OSBPL10: variants seen among roughly 807,000 people sequenced by gnomAD.
The protein encoded by OSBPL10 is oxysterol binding protein like 10, also known as oxysterol-binding protein-related protein 10.
In OSBPL10, 49 loss-of-function variants were observed where a neutral mutation model predicts 81.7. The observed-to-expected ratio is 0.60, with a 90% CI of 0.48 to 0.76. The LOEUF (loss-of-function observed/expected upper bound fraction) is 0.76, where lower values mean the gene tolerates loss of function less well. Ranked by LOEUF, OSBPL10 falls within the 30% of genes least tolerant of loss-of-function variation. The probability of loss-of-function intolerance (pLI) is 0.00; values close to 1 mark genes in which losing one functional copy is unlikely to be tolerated. For missense variants in OSBPL10, 923 were observed against 987.8 expected (o/e 0.93, Z 0.88); for synonymous variants, 419 against 383.6 (o/e 1.09, Z -1.08).
chr3:31,891,051 AATC>A (rs1031176258), intron 1 of OSBPL10, among the ~76,000 whole-genome samples: 1 of 152,100 alleles, frequency 6.6e-6, no homozygotes, highest in Non-Finnish European at 1.5e-5. Context: ...AAGCAAACCC[AATC>A]ATCAACAAGC....
In OSBPL10 at chr3:31,690,143, G is replaced by A. The variant is rs569853582; in HGVS notation, c.1246-6029C>T. ...GTCTCATGTCAAATTGTAATCCCCAGTGTTGGAGACGGGGCCTGATGGGAG... is the reference window on the plus strand; with the variant it reads ...GTCTCATGTCAAATTGTAATCCCCAATGTTGGAGACGGGGCCTGATGGGAG... On this transcript the variant is annotated intron_variant, in intron 7 of 11. Transcript: ENST00000396556. Among the ~76,000 whole-genome samples, 31 of 152,298 alleles carry A rather than the reference G, an allele frequency of 2.0e-4. 1 individual carries two copies. In the South Asian group the frequency reaches 6.0e-3, roughly 30 times the overall value.
intron 2 of OSBPL10, 88 bp downstream of exon 2, chr3:31,879,567 T>C: frequency 2.8e-6 from 4 of 1,406,250 alleles, no homozygotes; most frequent in South Asian, 1.4e-5. Flanking sequence ...TCAAAGGCAA[T>C]TTAAAAAAAC....
intron 8 of OSBPL10, among the ~76,000 whole-genome samples, chr3:31,682,191 C>T (rs1700666279): frequency 6.6e-6 from 1 of 152,252 alleles, no homozygotes; most frequent in South Asian, 2.1e-4. Flanking sequence ...AACCTCCTCC[C>T]TAGTCTCCTT....
At chr3:31,767,790 A>C (rs547626962) in intron 4 of OSBPL10, among the ~76,000 whole-genome samples, 1 of 152,234 alleles carries the variant, frequency 6.6e-6, no homozygotes, top group Admixed American at 6.5e-5. Flanking sequence ...CCAGGTGAAA[A>C]TGCTCTGCTT....
At chr3:31,995,137 C>T (rs1699077192) in intron 2 of OSBPL10, among the ~76,000 whole-genome samples, 1 of 152,188 alleles carries the variant, frequency 6.6e-6, no homozygotes, top group African/African-American at 2.4e-5. Flanking sequence ...CTATGTTCAG[C>T]AGTGCACGTA....
intron 1 of OSBPL10, among the ~76,000 whole-genome samples, chr3:31,930,002 C>CAAA (rs1559521974): frequency 2.0e-3 from 209 of 106,802 alleles, no homozygotes; most frequent in Non-Finnish European, 3.0e-3. Context: ...CTGTCACCAA[C>CAAA]CAAAAAAAAA....
chr3:31,669,845 T>C (rs1225876441), intron 9 of OSBPL10, among the ~76,000 whole-genome samples: 1 of 152,196 alleles, frequency 6.6e-6, no homozygotes, highest in Non-Finnish European at 1.5e-5. Flanking sequence ...ACTGGGAGGC[T>C]TTCTCCTTGA....
At chr3:31,867,919 C>T (rs757561200) in intron 3 of OSBPL10, among the ~76,000 whole-genome samples, 5 of 152,202 alleles carry the variant, frequency 3.3e-5, no homozygotes, top group Middle Eastern at 3.2e-3. Flanking sequence ...AACACTCTCA[C>T]AGTCACTTTA....
At chr3:31,892,980 G>A (rs578239054) in intron 1 of OSBPL10, among the ~76,000 whole-genome samples, 8 of 152,204 alleles carry the variant, frequency 5.3e-5, no homozygotes, top group East Asian at 3.9e-4. Context: ...GCAGGCCCAC[G>A]GCACCCATAC....
At chr3:32,043,382 C>T (rs962230774) in intron 2 of OSBPL10, among the ~76,000 whole-genome samples, 3 of 152,134 alleles carry the variant, frequency 2.0e-5, no homozygotes, top group African/African-American at 7.2e-5. Flanking sequence ...TCAAGGTGCA[C>T]TGATTTCGTA....
chr3:31,663,333 G>T (rs1018086474), intron 11 of OSBPL10: 2 of 985,392 alleles, frequency 2.0e-6, no homozygotes, highest in African/African-American at 3.5e-5. Context: ...AGTGGCATCT[G>T]CCCCAGCCCT....
At position 31,733,310 on chromosome 3, in the gene OSBPL10, C is replaced by T. The variant is rs756687024; in HGVS notation, c.1042G>A (p.Ala348Thr). 9.9e-6 allele frequency: 16 copies of T among 1,612,552 alleles called. No homozygotes were observed. Among genetic ancestry groups the T allele is most frequent in the East Asian group, 8.9e-5 (4 of 44,890 alleles). Residue 348 changes from alanine (A) to threonine (T), a missense_variant, in exon 6 of 12, where the codon GCA (alanine) becomes ACA (threonine). Transcript: ENST00000396556. The part of the protein sequence containing the change: ...LPSASANITW[A>T]ILPNSAEDEQ... ...TCTTCAGCAGAGTTTGGTAAAATTG[C>T]CCAGGTTATGTTGGCACTGGCTGAT...
rs1559528466 is a variant in OSBPL10, at chr3:31,947,882, G to GCT, written c.281+33016_281+33017insAG. On this transcript the variant is annotated intron_variant, in intron 1 of 11. Coordinates refer to ENST00000396556, the MANE Select transcript of OSBPL10 (RefSeq NM_017784.5). ...GTGAGGGAAACTGCATAGGAGTTGA[G>GCT]ATAAGCCCAGCCTCCGTCTGATCCC... Among the ~76,000 whole-genome samples, 499 of 152,122 alleles carry GCT rather than the reference G, an allele frequency of 3.3e-3. 1 individual carries two copies. Among genetic ancestry groups the GCT allele is most frequent in the African/African-American group, 0.012 (480 of 41,492 alleles).
chr3:31,879,380 C>T (rs1227590574), intron 2 of OSBPL10: 4 of 362,670 alleles, frequency 1.1e-5, no homozygotes, highest in Non-Finnish European at 2.0e-5. Flanking sequence ...ACTGAGCTAA[C>T]ACTTAAGATC....
chr3:31,949,315 G>C (rs1028083076), intron 1 of OSBPL10, among the ~76,000 whole-genome samples: 4 of 152,158 alleles, frequency 2.6e-5, no homozygotes, highest in Non-Finnish European at 4.4e-5. Flanking sequence ...CAAGTAGTTG[G>C]ATGCATACAT....
At chr3:31,903,407 C>T (rs935260331) in intron 1 of OSBPL10, among the ~76,000 whole-genome samples, 1 of 149,688 alleles carries the variant, frequency 6.7e-6, no homozygotes, top group Admixed American at 6.7e-5. Context: ...AAGGCTTGTG[C>T]AGCCTTGACC....
intron 2 of OSBPL10, chr3:31,989,374 G>C: frequency 6.2e-7 from 1 of 1,614,172 alleles, no homozygotes; most frequent in South Asian, 1.1e-5. Flanking sequence ...TCACATTGGA[G>C]ATTTTTGCTT....
At chr3:31,828,739 G>A (rs2125525241) in intron 4 of OSBPL10, among the ~76,000 whole-genome samples, 1 of 152,214 alleles carries the variant, frequency 6.6e-6, no homozygotes, top group East Asian at 1.9e-4. Context: ...CACCATGTTG[G>A]CCAGGCTGCT....
chr3:32,042,344 G>GT (rs1221982321), intron 2 of OSBPL10, among the ~76,000 whole-genome samples: 2 of 152,118 alleles, frequency 1.3e-5, no homozygotes, highest in Non-Finnish European at 2.9e-5. Flanking sequence ...AACATGGTTT[G>GT]TTTTTTTGCC....
Sources: gnomAD v4.1 joint callset for allele counts (sites outside exome capture counted in the v4.1 genomes callset) on GRCh38, gnomAD v4.1.1 for gene constraint, MANE v1.5 for transcripts, NCBI Gene and HGNC (gene_info 2026-07-23, HGNC 2026-07-21) for gene names.